CHD1L: variants seen among roughly 807,000 people sequenced by gnomAD.
CHD1L encodes ATP-dependent chromatin remodeler CHD1L.
CHD1L carries 118 observed loss-of-function variants against 115.9 expected under a neutral mutation model. The ratio of observed to expected loss-of-function variants is 1.02; its 90% CI spans 0.88 to 1.19. CHD1L has a LOEUF of 1.19. Among genes scored for constraint, CHD1L ranks in the 50% most tolerant of loss-of-function variants. The probability of loss-of-function intolerance (pLI) is 0.00; values close to 1 mark genes in which losing one functional copy is unlikely to be tolerated. For synonymous variants in CHD1L, 411 were observed against 387.1 expected (o/e 1.06, Z -0.72); for missense variants, 1,179 against 1,065.3 (o/e 1.11, Z -1.49).
At chr1:147,181,400 G>T in the CHD1L span, among the ~76,000 whole-genome samples, 1 of 152,166 alleles carries the variant, frequency 6.6e-6, no homozygotes, top group Non-Finnish European at 1.5e-5. Flanking sequence ...TATGTGACTA[G>T]CCCCAACTAA....
the CHD1L span, among the ~76,000 whole-genome samples, chr1:147,214,405 C>T: frequency 6.6e-6 from 1 of 150,604 alleles, no homozygotes; most frequent in Non-Finnish European, 1.5e-5. Context: ...GAGCCGAGAT[C>T]GTGTCACTGT....
intron 19 of CHD1L, among the ~76,000 whole-genome samples, chr1:147,290,940 AC>A (rs1319220580): frequency 2.6e-5 from 4 of 152,178 alleles, no homozygotes; most frequent in African/African-American, 9.7e-5. Context: ...GTCATGAGTC[AC>A]TGTGCTCGGC....
intron 15 of CHD1L, among the ~76,000 whole-genome samples, chr1:147,283,046 A>C (rs1200869411): frequency 6.6e-6 from 1 of 152,188 alleles, no homozygotes; most frequent in African/African-American, 2.4e-5. Flanking sequence ...ACGTGGCCCC[A>C]ATCAGAATTA....
chr1:147,180,149 A>C, the CHD1L span, among the ~76,000 whole-genome samples: 1 of 152,198 alleles, frequency 6.6e-6, no homozygotes, highest in Admixed American at 6.5e-5. Context: ...ATAGTCTTAA[A>C]AATAACTAAA....
chr1:147,263,869 T>C (rs967525336), intron 6 of CHD1L, among the ~76,000 whole-genome samples: 1 of 152,236 alleles, frequency 6.6e-6, no homozygotes, highest in Non-Finnish European at 1.5e-5. Context: ...TTTTTTTCCA[T>C]TTAAGATTCT....
chr1:147,242,516 A>G, upstream of CHD1L: 1 of 513,342 alleles, frequency 1.9e-6, no homozygotes, highest in East Asian at 3.6e-5. Context: ...CACGCTCCGC[A>G]CTGCAAGAAC....
chr1:147,275,131 C>T (rs782145135), intron 12 of CHD1L, among the ~76,000 whole-genome samples: 3 of 152,158 alleles, frequency 2.0e-5, no homozygotes, highest in Non-Finnish European at 4.4e-5. Context: ...CATTCTGTTC[C>T]ATTCAGTAAT....
At chr1:147,271,058 C>G in intron 11 of CHD1L, 53 bp downstream of exon 11, 1 of 1,380,310 alleles carries the variant, frequency 7.2e-7, no homozygotes, top group Non-Finnish European at 1.0e-6. Context: ...CTTAACAGTC[C>G]AGATAGGTCC....
At chr1:147,286,979 C>CT (rs1553966515) in intron 18 of CHD1L, among the ~76,000 whole-genome samples, 7 of 151,886 alleles carry the variant, frequency 4.6e-5, no homozygotes, top group African/African-American at 9.7e-5. Flanking sequence ...CCCCATCCCC[C>CT]CTGTTATTCT....
chr1:147,203,585 C>CG, the CHD1L span: 2 of 1,068,434 alleles, frequency 1.9e-6, no homozygotes, highest in Non-Finnish European at 2.9e-6. Flanking sequence ...TGCCAGTGCA[C>CG]GGGGAATAGC....
intron 14 of CHD1L, among the ~76,000 whole-genome samples, chr1:147,277,126 A>C (rs987078317): frequency 2.6e-5 from 4 of 152,306 alleles, no homozygotes; most frequent in Middle Eastern, 3.4e-3. Context: ...GAAAATAAGA[A>C]GTAGGGCAGA....
At chr1:147,275,604 T>C in intron 13 of CHD1L, 136 bp downstream of exon 13, 3 of 660,192 alleles carry the variant, frequency 4.5e-6, no homozygotes, top group Non-Finnish European at 8.0e-6. Flanking sequence ...TCTGTGCTAT[T>C]GACTCCTAGG....
At chr1:147,204,079 A>G in the CHD1L span, 2 of 1,117,002 alleles carry the variant, frequency 1.8e-6, no homozygotes, top group African/African-American at 3.1e-5. Context: ...TTGCACCAGT[A>G]TCAGCAATAG....
chr1:147,247,999 C>T (rs781820226), intron 1 of CHD1L, among the ~76,000 whole-genome samples: 2 of 152,206 alleles, frequency 1.3e-5, no homozygotes, highest in Non-Finnish European at 2.9e-5. Flanking sequence ...TCTCAAGCCC[C>T]TTAACCTTGA....
At chr1:147,265,365 T>C (rs782752506) in intron 7 of CHD1L, among the ~76,000 whole-genome samples, 101 of 152,318 alleles carry the variant, frequency 6.6e-4, no homozygotes, top group African/African-American at 2.3e-3. Flanking sequence ...AAGTTATTCA[T>C]TATTTATTTG....
chr1:147,214,476 A>AAG, the CHD1L span, among the ~76,000 whole-genome samples: 1 of 150,642 alleles, frequency 6.6e-6, no homozygotes, highest in Non-Finnish European at 1.5e-5. Flanking sequence ...CAAAAAAAAA[A>AAG]AGAGAGACAA....
At chr1:147,275,987 A>G in intron 13 of CHD1L, 117 bp from the exon 14 acceptor site, 3 of 1,022,518 alleles carry the variant, frequency 2.9e-6, no homozygotes, top group Non-Finnish European at 4.4e-6. Flanking sequence ...TCTCCCTTTC[A>G]TTGTACCCTG....
At chr1:147,176,322 T>C in the CHD1L span, 1 of 152,200 alleles carries the variant, frequency 6.6e-6, no homozygotes, top group African/African-American at 2.4e-5. Context: ...CCAAATAGTA[T>C]CATAATTTTT....
At chr1:147,241,372 G>T (rs587649574), upstream of CHD1L, among the ~76,000 whole-genome samples, 3 of 152,114 alleles carry the variant, frequency 2.0e-5, no homozygotes, top group South Asian at 4.2e-4. Context: ...GGCTCAAAAA[G>T]CTCCCCTACC....
Sources: gnomAD v4.1 joint callset for allele counts (sites outside exome capture counted in the v4.1 genomes callset) on GRCh38, gnomAD v4.1.1 for gene constraint, MANE v1.5 for transcripts, NCBI Gene and HGNC (gene_info 2026-07-23, HGNC 2026-07-21) for gene names.